RBFOX1: variants seen among roughly 807,000 people sequenced by gnomAD.
RBFOX1 encodes RNA binding protein fox-1 homolog 1.
RBFOX1 carries 8 observed loss-of-function variants against 57.7 expected under a neutral mutation model. The observed-to-expected ratio is 0.14, with a 90% confidence interval of 0.08 to 0.25. RBFOX1 has a LOEUF of 0.25. Among genes scored for constraint, RBFOX1 ranks in the 10% least tolerant of loss-of-function variants. RBFOX1 has a pLI of 1.00. For missense variants in RBFOX1, 611 were observed against 548.5 expected (o/e 1.11, Z -1.14); for synonymous variants, 326 against 222.4 (o/e 1.47, Z -4.15).
At chr16:6,142,188 G>GAAAAA (rs2096721957) in intron 1 of RBFOX1, among the ~76,000 whole-genome samples, 2 of 25,872 alleles carry the variant, frequency 7.7e-5, no homozygotes, top group African/African-American at 2.9e-4. Context: ...TGCTGCTGCT[G>GAAAAA]CAAAAAAAAA....
At chr16:7,634,388 G>GGT (rs2061439173) in intron 11 of RBFOX1, among the ~76,000 whole-genome samples, 1 of 141,916 alleles carries the variant, frequency 7.0e-6, no homozygotes, top group South Asian at 2.3e-4. Flanking sequence ...TTTGATGTTT[G>GGT]TTTTTTTTTT....
chr16:6,389,776 A>T (rs138560576), intron 2 of RBFOX1, among the ~76,000 whole-genome samples: 7 of 152,332 alleles, frequency 4.6e-5, no homozygotes, highest in Non-Finnish European at 1.0e-4. Flanking sequence ...GGACTCAAAG[A>T]CATGAGGCTG....
intron 2 of RBFOX1, among the ~76,000 whole-genome samples, chr16:5,494,000 C>T (rs1196792818): frequency 1.3e-5 from 2 of 152,178 alleles, no homozygotes; most frequent in Admixed American, 6.5e-5. Context: ...AAACAGCCTT[C>T]TTGTGGGGCT....
At chr16:5,474,711 C>T (rs1234582927) in intron 2 of RBFOX1, among the ~76,000 whole-genome samples, 1 of 151,686 alleles carries the variant, frequency 6.6e-6, no homozygotes, top group East Asian at 1.9e-4. Flanking sequence ...GTATGACAAA[C>T]CTTATTTATT....
intron 2 of RBFOX1, among the ~76,000 whole-genome samples, chr16:6,480,073 T>A (rs946959912): frequency 1.1e-3 from 155 of 146,564 alleles, no homozygotes; most frequent in African/African-American, 3.5e-3. Context: ...AAAAAATCAC[T>A]GGTCTAGAAA....
intron 4 of RBFOX1, among the ~76,000 whole-genome samples, chr16:7,259,310 C>T (rs547297068): frequency 1.1e-4 from 16 of 152,156 alleles, no homozygotes; most frequent in Non-Finnish European, 2.1e-4. Context: ...GAAACACCTT[C>T]CCCTCTCAGG....
At chr16:6,051,214 C>G (rs1219813953) in intron 1 of RBFOX1, among the ~76,000 whole-genome samples, 2 of 151,744 alleles carry the variant, frequency 1.3e-5, no homozygotes, top group African/African-American at 4.8e-5. Context: ...TCCCATGAAT[C>G]TTAAAAGAGT....
At chr16:5,914,671 C>T (rs753560563) in intron 4 of RBFOX1, among the ~76,000 whole-genome samples, 3 of 152,044 alleles carry the variant, frequency 2.0e-5, no homozygotes, top group Non-Finnish European at 2.9e-5. Context: ...CCCAGGCGGG[C>T]GGATCACGAG....
rs533239380 is a variant in RBFOX1, at chr16:7,152,204, T to C, written c.27+100106T>C. 4.6e-5 allele frequency among the ~76,000 whole-genome samples: 7 copies of C among 152,296 alleles called. No homozygotes were observed. The East Asian group carries it at 1.4e-3, about 29-fold the overall frequency. ...GAGTTAGAAGGAGAGTGAATTTTGA[T>C]TTCCAGTCTATACCATGCGTCCATA... On this transcript the variant is annotated intron_variant, in intron 4 of 15. Coordinates refer to ENST00000550418, the MANE Select transcript of RBFOX1 (RefSeq NM_018723.4).
chr16:6,167,291 C>T (rs1450768534), intron 1 of RBFOX1, among the ~76,000 whole-genome samples: 1 of 152,192 alleles, frequency 6.6e-6, no homozygotes, highest in Non-Finnish European at 1.5e-5. Flanking sequence ...CCAAATTGCA[C>T]CTACCCTTTG....
At chr16:5,762,565 G>A (rs929892104) in intron 3 of RBFOX1, among the ~76,000 whole-genome samples, 1 of 152,098 alleles carries the variant, frequency 6.6e-6, no homozygotes, top group Non-Finnish European at 1.5e-5. Context: ...AAATTTCCCC[G>A]CGGGGAATAA....
At chr16:6,867,831 T>G (rs146385368) in intron 3 of RBFOX1, among the ~76,000 whole-genome samples, 1 of 152,210 alleles carries the variant, frequency 6.6e-6, no homozygotes, top group Non-Finnish European at 1.5e-5. Flanking sequence ...GGTGTAATTA[T>G]TGACATCCCC....
At chr16:7,202,704 C>G (rs9929118) in intron 4 of RBFOX1, among the ~76,000 whole-genome samples, 44,074 of 152,004 alleles carry the variant, frequency 0.29, 6,593 homozygotes, top group Non-Finnish European at 0.32. Context: ...TTTGTGAACT[C>G]TGCATGTGAG....
chr16:5,787,497 A>C (rs948262948), intron 3 of RBFOX1, among the ~76,000 whole-genome samples: 39 of 152,228 alleles, frequency 2.6e-4, no homozygotes, highest in Admixed American at 2.5e-3. Context: ...TGAGGGGATG[A>C]CACTGTATAA....
At chr16:6,643,450 G>A (rs1046969232) in intron 2 of RBFOX1, among the ~76,000 whole-genome samples, 3 of 152,030 alleles carry the variant, frequency 2.0e-5, no homozygotes, top group Non-Finnish European at 4.4e-5. Flanking sequence ...TTGTTTTTGC[G>A]GTTGGAGGAT....
intron 1 of RBFOX1, among the ~76,000 whole-genome samples, chr16:6,304,478 G>A (rs1421140515): frequency 6.6e-6 from 1 of 152,086 alleles, no homozygotes; most frequent in Non-Finnish European, 1.5e-5. Flanking sequence ...GCTAACGGAG[G>A]AGGAGGACAC....
At chr16:6,507,809 G>A (rs930385325) in intron 2 of RBFOX1, among the ~76,000 whole-genome samples, 4 of 152,086 alleles carry the variant, frequency 2.6e-5, no homozygotes, top group Non-Finnish European at 5.9e-5. Context: ...TGGTTAGCCA[G>A]GGCTAGAAGG....
rs2090954520 is a variant in RBFOX1, at chr16:7,563,571, A to T, written c.271-16206A>T. Among the ~76,000 whole-genome samples the T allele has an allele frequency of 2.0e-5, 3 of 152,094 alleles. No individual in the cohort carries two copies. In the South Asian group the frequency reaches 6.2e-4, roughly 32 times the overall value. Reference sequence around the variant, plus strand: ...CAACCTCTGCCTCCCGGGTTCAGGCAATTCTCCTGCCTCAGCCTCCATAGC... The same window carrying T: ...CAACCTCTGCCTCCCGGGTTCAGGCTATTCTCCTGCCTCAGCCTCCATAGC... On this transcript the variant is annotated intron_variant, in intron 5 of 15. Coordinates refer to ENST00000550418, the MANE Select transcript of RBFOX1 (RefSeq NM_018723.4).
chr16:6,012,686 G>A (rs1239315705), intron 4 of RBFOX1, among the ~76,000 whole-genome samples: 12 of 152,182 alleles, frequency 7.9e-5, no homozygotes, highest in Admixed American at 7.9e-4. Flanking sequence ...AGTTTTGGAA[G>A]CCCGTTGATT....
Sources: allele counts gnomAD v4.1 joint callset (sites outside exome capture counted in the v4.1 genomes callset), GRCh38; gene constraint gnomAD v4.1.1; transcripts MANE v1.5; gene names NCBI Gene and HGNC (gene_info 2026-07-23, HGNC 2026-07-21).